Variants in TSHZ2 observed in about 807,000 individuals in gnomAD.
TSHZ2 encodes the protein teashirt zinc finger homeobox 2, also known as teashirt homolog 2.
TSHZ2 carries 21 observed loss-of-function variants against 74.4 expected under a neutral mutation model. The ratio of observed to expected loss-of-function variants is 0.28; its 90% CI spans 0.20 to 0.41. The LOEUF (loss-of-function observed/expected upper bound fraction) is 0.41. TSHZ2 is among the 10% of genes least tolerant of loss of function. The pLI, the probability that TSHZ2 is intolerant of heterozygous loss-of-function variation, is 1.00. For missense variants in TSHZ2, 1,244 were observed against 1,293.5 expected (o/e 0.96, Z 0.59); for synonymous variants, 540 against 515.3 (o/e 1.05, Z -0.65).
chr20:53,381,035 G>A (rs1981840356), intron 2 of TSHZ2, among the ~76,000 whole-genome samples: 1 of 152,164 alleles, frequency 6.6e-6, no homozygotes, highest in Non-Finnish European at 1.5e-5. Context: ...CCAGCATTTT[G>A]TAGCTCTGTG....
chr20:53,016,779 C>T (rs1983053455), intron 1 of TSHZ2, among the ~76,000 whole-genome samples: 1 of 152,156 alleles, frequency 6.6e-6, no homozygotes, highest in Non-Finnish European at 1.5e-5. Context: ...ACTTTCTATT[C>T]ACGCTACTCA....
chr20:53,166,106 G>A (rs1437884641), intron 1 of TSHZ2, among the ~76,000 whole-genome samples: 2 of 152,188 alleles, frequency 1.3e-5, no homozygotes, highest in South Asian at 2.1e-4. Flanking sequence ...ACGACAACTG[G>A]ACATCTCCAC....
intron 1 of TSHZ2, among the ~76,000 whole-genome samples, chr20:52,996,255 G>A (rs937335229): frequency 1.3e-5 from 2 of 152,072 alleles, no homozygotes; most frequent in African/African-American, 4.8e-5. Context: ...CTAGATCACT[G>A]TAGCATCTTT....
chr20:53,139,924 T>G (rs1340344295), intron 1 of TSHZ2, among the ~76,000 whole-genome samples: 2 of 152,214 alleles, frequency 1.3e-5, no homozygotes, highest in Non-Finnish European at 2.9e-5. Flanking sequence ...AGAACTTCTC[T>G]AATCCCATCC....
chr20:53,189,915 G>C (rs6126776), intron 1 of TSHZ2, among the ~76,000 whole-genome samples: 6,622 of 150,394 alleles, frequency 0.044, 458 homozygotes, highest in East Asian at 0.34. Context: ...GAAACCTCAT[G>C]TCTACGAAAA....
intron 1 of TSHZ2, among the ~76,000 whole-genome samples, chr20:53,111,220 C>G (rs1384377749): frequency 6.6e-6 from 1 of 152,180 alleles, no homozygotes. Flanking sequence ...ACATGAGGCT[C>G]TCAGACGTGG....
chr20:53,479,466 A>G (rs962476213), intron 2 of TSHZ2, among the ~76,000 whole-genome samples: 2 of 152,196 alleles, frequency 1.3e-5, no homozygotes, highest in African/African-American at 4.8e-5. Context: ...GCAGAGCAAT[A>G]TGGGTGGATT....
chr20:53,105,751 A>G (rs768877912), intron 1 of TSHZ2, among the ~76,000 whole-genome samples: 1 of 152,120 alleles, frequency 6.6e-6, no homozygotes, highest in African/African-American at 2.4e-5. Context: ...GGCTCAAGCC[A>G]TTCTCCCACC....
At chr20:53,204,612 G>C (rs1177127697) in intron 1 of TSHZ2, among the ~76,000 whole-genome samples, 1 of 152,070 alleles carries the variant, frequency 6.6e-6, no homozygotes, top group East Asian at 1.9e-4. Flanking sequence ...CTGATCACTT[G>C]CAACAAAAAC....
intron 2 of TSHZ2, among the ~76,000 whole-genome samples, chr20:53,293,826 G>T (rs112984273): frequency 0.041 from 6,218 of 151,978 alleles, 433 homozygotes; most frequent in African/African-American, 0.14. Context: ...GACCATCCTG[G>T]ACAACATGGT....
intron 2 of TSHZ2, among the ~76,000 whole-genome samples, chr20:53,436,053 G>T (rs568392065): frequency 3.9e-5 from 6 of 152,222 alleles, no homozygotes; most frequent in Non-Finnish European, 8.8e-5. Flanking sequence ...TAGCAATAAT[G>T]ATAACATATT....
intron 2 of TSHZ2, among the ~76,000 whole-genome samples, chr20:53,446,110 C>T (rs1162254228): frequency 5.3e-5 from 8 of 152,078 alleles, no homozygotes; most frequent in African/African-American, 1.4e-4. Flanking sequence ...CTAGGCTCAG[C>T]TATGTGACTT....
At chr20:53,444,457 C>G (rs1248437837) in intron 2 of TSHZ2, among the ~76,000 whole-genome samples, 1 of 152,084 alleles carries the variant, frequency 6.6e-6, no homozygotes, top group Admixed American at 6.5e-5. Context: ...AGTGAGTCCT[C>G]CAGTGCCGGT....
chr20:53,451,378 C>T (rs1385704879), intron 2 of TSHZ2, among the ~76,000 whole-genome samples: 2 of 152,126 alleles, frequency 1.3e-5, no homozygotes, highest in African/African-American at 4.8e-5. Context: ...TGGACTAAAG[C>T]AATAATTATT....
chr20:53,259,043 A>C (rs1166162874), intron 2 of TSHZ2, among the ~76,000 whole-genome samples: 1 of 152,146 alleles, frequency 6.6e-6, no homozygotes, highest in Admixed American at 6.5e-5. Context: ...CCTTAGAAAA[A>C]AATGCCTCCA....
At chr20:53,145,145 C>T (rs1032492274) in intron 1 of TSHZ2, among the ~76,000 whole-genome samples, 4 of 152,280 alleles carry the variant, frequency 2.6e-5, no homozygotes, top group African/African-American at 7.2e-5. Context: ...ATGTTCGCCT[C>T]ATCCCAAGGT....
At chr20:53,362,110 A>G (rs902851414) in intron 2 of TSHZ2, among the ~76,000 whole-genome samples, 8 of 150,850 alleles carry the variant, frequency 5.3e-5, no homozygotes, top group Non-Finnish European at 1.2e-4. Context: ...GTGATCCACC[A>G]CCCGCCTGGG....
intron 2 of TSHZ2, among the ~76,000 whole-genome samples, chr20:53,448,247 A>G (rs1369629059): frequency 6.6e-6 from 1 of 152,182 alleles, no homozygotes; most frequent in Non-Finnish European, 1.5e-5. Flanking sequence ...ATTGAGTAAA[A>G]TTAGGGGTTT....
At chr20:53,034,981 G>A (rs1983765909) in intron 1 of TSHZ2, among the ~76,000 whole-genome samples, 1 of 152,190 alleles carries the variant, frequency 6.6e-6, no homozygotes, top group Non-Finnish European at 1.5e-5. Flanking sequence ...AGGATAGCAG[G>A]AAGGCAAGTA....
Sources: gnomAD v4.1 joint callset for allele counts (sites outside exome capture counted in the v4.1 genomes callset) on GRCh38, gnomAD v4.1.1 for gene constraint, MANE v1.5 for transcripts, NCBI Gene and HGNC (gene_info 2026-07-23, HGNC 2026-07-21) for gene names.